Variants in BICRAL observed in about 807,000 individuals in gnomAD.
BICRAL encodes BICRA like chromatin remodeling complex associated protein, also known as BRD4-interacting chromatin-remodeling complex-associated protein-like.
A neutral mutation model predicts 91.8 loss-of-function variants in BICRAL; 8 were observed. The observed-to-expected ratio is 0.09, with a 90% CI of 0.05 to 0.16. BICRAL has a LOEUF of 0.16. Among genes scored for constraint, BICRAL ranks in the 10% least tolerant of loss-of-function variants. The pLI is 1.00. For missense variants in BICRAL, 1,038 were observed against 1,310.9 expected, an observed-to-expected ratio of 0.79 and a Z score of 3.21; for synonymous variants, 445 against 491.1, an observed-to-expected ratio of 0.91 and a Z score of 1.24.
At position 42,829,301 on chromosome 6, in the gene BICRAL, A is replaced by G. The variant is rs1764402157; in HGVS notation, c.968A>G (p.Gln323Arg). Residue 323 changes from glutamine (Q) to arginine (R), a missense_variant, in exon 6 of 13, where the codon CAA (glutamine) becomes CGA (arginine). By Grantham distance (43) the Gln-to-Arg change is conservative. Transcript: ENST00000314073. ...IQPKPIQMGQ[Q>R]NTYNVNNLGI... Reference sequence around the variant, plus strand: ...CCAAAGCCTATCCAGATGGGTCAGCAAAATACATACAATGTGAACAATTTG... The same window carrying G: ...CCAAAGCCTATCCAGATGGGTCAGCGAAATACATACAATGTGAACAATTTG... The G allele has an allele frequency of 4.3e-6, 7 of 1,614,124 alleles. No homozygotes were observed. Among genetic ancestry groups the G allele is most frequent in the Non-Finnish European group, 5.9e-6 (7 of 1,180,052 alleles).
In BICRAL at chr6:42,752,932, TTTTGGTTGGGGGGGTACGGAG is replaced by T. The variant is rs1762402847; in HGVS notation, c.-261+5913_-261+5933del. 2.0e-5 allele frequency among the ~76,000 whole-genome samples: 3 copies of T among 148,648 alleles called. No individual in the cohort carries two copies. The South Asian group carries it at 6.4e-4, about 32-fold the overall frequency. Reference sequence around the variant, plus strand: ...GCTGACTTTTTTTTTTTTTTTTTTTTTTTGGTTGGGGGGGTACGGAGTTTTGCTCTGTCACCCAGGCTAGAG... The same window carrying T: ...GCTGACTTTTTTTTTTTTTTTTTTTTTTTTGCTCTGTCACCCAGGCTAGAG... On this transcript the variant is annotated intron_variant, in intron 1 of 14. Transcript: ENST00000614467.
At chr6:42,849,981 G>A (rs1045486324) in intron 6 of BICRAL, among the ~76,000 whole-genome samples, 11 of 152,012 alleles carry the variant, frequency 7.2e-5, no homozygotes, top group Non-Finnish European at 1.5e-4. Flanking sequence ...AGGTTGCAGT[G>A]AGCCAAGATC....
At chr6:42,863,045 A>ATTTCTT (rs1223725378) in intron 12 of BICRAL, among the ~76,000 whole-genome samples, 2 of 139,238 alleles carry the variant, frequency 1.4e-5, no homozygotes, top group Admixed American at 7.3e-5. Context: ...CCTCATGGAC[A>ATTTCTT]TTTCTTTTTT....
chr6:42,838,271 A>G (rs1170043018), intron 6 of BICRAL, among the ~76,000 whole-genome samples: 1 of 152,198 alleles, frequency 6.6e-6, no homozygotes, highest in South Asian at 2.1e-4. Flanking sequence ...TAGTTGTCAC[A>G]TCTCTTTAGT....
chr6:42,860,877 A>G (rs1256806316), intron 11 of BICRAL, among the ~76,000 whole-genome samples: 1 of 152,260 alleles, frequency 6.6e-6, no homozygotes, highest in Non-Finnish European at 1.5e-5. Context: ...CTGTAATCCC[A>G]GCACTTTGGG....
intron 6 of BICRAL, 57 bp from the exon 7 acceptor site, chr6:42,852,034 TA>T: frequency 9.3e-7 from 1 of 1,070,046 alleles, no homozygotes; most frequent in Non-Finnish European, 1.4e-6. Context: ...GTATTTAAAA[TA>T]ATCTGTTAAA....
chr6:42,812,321 T>C (rs1763864268), intron 2 of BICRAL, among the ~76,000 whole-genome samples: 1 of 152,030 alleles, frequency 6.6e-6, no homozygotes, highest in African/African-American at 2.4e-5. Context: ...TAGCTAGCCA[T>C]GGAGCTCATG....
chr6:42,821,940 A>G, intron 2 of BICRAL, 78 bp from the exon 3 acceptor site: 1 of 809,256 alleles, frequency 1.2e-6, no homozygotes, highest in African/African-American at 1.7e-5. Context: ...AGTGTAAGGC[A>G]TACTTTTGTA....
intron 1 of BICRAL, among the ~76,000 whole-genome samples, chr6:42,784,212 G>T (rs1254177918): frequency 6.6e-6 from 1 of 152,140 alleles, no homozygotes; most frequent in Non-Finnish European, 1.5e-5. Context: ...AGTTAAATAC[G>T]CTTTAAAACA....
chr6:42,789,527 A>G (rs1379585593), intron 1 of BICRAL, among the ~76,000 whole-genome samples: 3 of 151,962 alleles, frequency 2.0e-5, no homozygotes, highest in Admixed American at 6.6e-5. Context: ...CTGTAATCCC[A>G]GCTACTCAGG....
chr6:42,809,691 G>T (rs1178033369), intron 1 of BICRAL, among the ~76,000 whole-genome samples: 2 of 151,808 alleles, frequency 1.3e-5, no homozygotes, highest in Non-Finnish European at 2.9e-5. Flanking sequence ...GCCCAGGCTG[G>T]TCTCCAACTC....
At chr6:42,782,031 G>GCGC (rs1762926168), upstream of BICRAL, 6 of 146,662 alleles carry the variant, frequency 4.1e-5, no homozygotes, top group African/African-American at 1.5e-4. Flanking sequence ...CGCGCCCGCC[G>GCGC]CCGCCGCCGC....
chr6:42,791,846 A>G (rs767375525), intron 1 of BICRAL, among the ~76,000 whole-genome samples: 7 of 152,176 alleles, frequency 4.6e-5, no homozygotes, highest in Non-Finnish European at 1.0e-4. Flanking sequence ...AGGTGATTTC[A>G]TTGTGTACAA....
intron 1 of BICRAL, among the ~76,000 whole-genome samples, chr6:42,806,551 T>G (rs1397590934): frequency 2.0e-5 from 3 of 150,408 alleles, no homozygotes; most frequent in African/African-American, 7.4e-5. Context: ...CTTACTCTTC[T>G]GGCCAGGCTG....
Position 42,829,682 on chromosome 6 carries a change from A to G in BICRAL, c.1349A>G (p.Asn450Ser), listed in dbSNP as rs2113959314. The change falls in exon 6 of 13, where the codon AAC becomes AGC. Residue 450 changes from asparagine to serine, a missense_variant. Physicochemically the swap from Asn to Ser is conservative, Grantham distance 46. Transcript: ENST00000314073. ...GTCATGTTGAACAGAAACTCTTCCA[A>G]CATGCTCAGGACCAACCAACCATAT... ...EHVMLNRNSS[N>S]MLRTNQPYTG... 1 of 1,614,192 alleles carries G rather than the reference A, an allele frequency of 6.2e-7. No individual in the cohort carries two copies. Among genetic ancestry groups the G allele is most frequent in the Non-Finnish European group, 8.5e-7 (1 of 1,180,040 alleles).
At chr6:42,765,359 TG>T (rs1304359853) in intron 1 of BICRAL, among the ~76,000 whole-genome samples, 1 of 152,240 alleles carries the variant, frequency 6.6e-6, no homozygotes, top group East Asian at 1.9e-4. Context: ...GAGTTCTCTC[TG>T]GGAGAGATCC....
At chr6:42,852,016 C>A in intron 6 of BICRAL, 76 bp from the exon 7 acceptor site, 1 of 879,830 alleles carries the variant, frequency 1.1e-6, no homozygotes, top group Non-Finnish European at 1.8e-6. Context: ...CATGAAGAGG[C>A]TTGGTTGGTA....
intron 1 of BICRAL, among the ~76,000 whole-genome samples, chr6:42,783,266 G>C (rs989935270): frequency 1.3e-5 from 2 of 151,930 alleles, no homozygotes; most frequent in African/African-American, 4.8e-5. Flanking sequence ...CCCCAGCCGC[G>C]CGGAGGACCG....
At chr6:42,849,209 C>T (rs146212933) in intron 6 of BICRAL, among the ~76,000 whole-genome samples, 2 of 152,202 alleles carry the variant, frequency 1.3e-5, no homozygotes, top group East Asian at 3.9e-4. Context: ...ACATCAGCAC[C>T]GCCAAGTAGC....
Sources: gnomAD v4.1 joint callset for allele counts (sites outside exome capture counted in the v4.1 genomes callset) on GRCh38, gnomAD v4.1.1 for gene constraint, MANE v1.5 for transcripts, NCBI Gene and HGNC (gene_info 2026-07-23, HGNC 2026-07-21) for gene names.